Variants in RAB28 observed in about 807,000 individuals in gnomAD.
RAB28 encodes the protein ras-related protein Rab-28.
A neutral mutation model predicts 31.7 loss-of-function variants in RAB28; 24 were observed. The observed-to-expected ratio is 0.76, with a 90% confidence interval of 0.55 to 1.06. The LOEUF is 1.06. Ranked by LOEUF, RAB28 falls within the 50% of genes least tolerant of loss-of-function variation. The pLI is 0.00. For synonymous variants in RAB28, 100 were observed against 90.4 expected (o/e 1.11, Z -0.60); for missense variants, 254 against 258.5 (o/e 0.98, Z 0.12).
chr4:13,439,727 T>C (rs1183092546), intron 4 of RAB28, among the ~76,000 whole-genome samples: 1 of 152,206 alleles, frequency 6.6e-6, no homozygotes, highest in Admixed American at 6.5e-5. Context: ...CCATTTTTTG[T>C]TGTTGTTATC....
At chr4:13,482,577 A>C (rs1716656295) in intron 1 of RAB28, among the ~76,000 whole-genome samples, 1 of 152,220 alleles carries the variant, frequency 6.6e-6, no homozygotes, top group Admixed American at 6.5e-5. Context: ...CAAACTTTTT[A>C]TTGAATAAAG....
chr4:13,431,818 C>T (rs1463442352), intron 4 of RAB28, among the ~76,000 whole-genome samples: 2 of 151,320 alleles, frequency 1.3e-5, no homozygotes, highest in Non-Finnish European at 2.9e-5. Context: ...ACAGCAAATA[C>T]AAAAATAAGA....
intron 1 of RAB28, among the ~76,000 whole-genome samples, chr4:13,483,679 G>C (rs1271483681): frequency 6.6e-6 from 1 of 152,182 alleles, no homozygotes; most frequent in African/African-American, 2.4e-5. Context: ...GCTCCTGGGA[G>C]CTCACGATGC....
chr4:13,395,215 T>C (rs1478667603), intron 4 of RAB28, among the ~76,000 whole-genome samples: 1 of 152,166 alleles, frequency 6.6e-6, no homozygotes, highest in Non-Finnish European at 1.5e-5. Context: ...ATATAGCTGG[T>C]TTTATATTTG....
At chr4:13,419,927 C>A (rs1333912218) in intron 4 of RAB28, among the ~76,000 whole-genome samples, 7 of 150,830 alleles carry the variant, frequency 4.6e-5, no homozygotes, top group African/African-American at 1.7e-4. Flanking sequence ...GAAATAGAGA[C>A]ACAAAAAACC....
intron 4 of RAB28, among the ~76,000 whole-genome samples, chr4:13,459,418 C>T (rs546767821): frequency 1.8e-4 from 27 of 152,274 alleles, no homozygotes; most frequent in African/African-American, 6.0e-4. Flanking sequence ...TACTCTATAA[C>T]GTTCACACAA....
chr4:13,405,839 G>C (rs1712047587), intron 4 of RAB28, among the ~76,000 whole-genome samples: 1 of 151,948 alleles, frequency 6.6e-6, no homozygotes, highest in African/African-American at 2.4e-5. Context: ...GGTTTACTGA[G>C]ATCTATTATT....
chr4:13,391,718 T>C (rs1298084775), intron 4 of RAB28, among the ~76,000 whole-genome samples: 2 of 152,160 alleles, frequency 1.3e-5, no homozygotes, highest in African/African-American at 4.8e-5. Context: ...TGGAACAGTA[T>C]GCAGCCATAA....
chr4:13,371,946 G>C (rs1728729924), intron 6 of RAB28: 2 of 1,350,778 alleles, frequency 1.5e-6, no homozygotes, highest in Non-Finnish European at 2.1e-6. Flanking sequence ...GTGTATACTG[G>C]AAATGGAAGT....
At chr4:13,434,555 T>C (rs955269933) in intron 4 of RAB28, among the ~76,000 whole-genome samples, 8 of 152,138 alleles carry the variant, frequency 5.3e-5, no homozygotes, top group East Asian at 1.9e-4. Flanking sequence ...AATTAGACTC[T>C]TGGCATAGTC....
intron 4 of RAB28, among the ~76,000 whole-genome samples, chr4:13,441,707 T>C (rs989510334): frequency 3.0e-4 from 45 of 152,362 alleles, no homozygotes; most frequent in Non-Finnish European, 6.3e-4. Context: ...AGACATTCAA[T>C]GTAACTGTAA....
At chr4:13,413,954 A>AT (rs1354568630) in intron 4 of RAB28, among the ~76,000 whole-genome samples, 1 of 152,114 alleles carries the variant, frequency 6.6e-6, no homozygotes, top group Non-Finnish European at 1.5e-5. Context: ...TCTAGGAGCT[A>AT]TTTTCTCCTC....
chr4:13,377,674 C>T (rs1031580885), intron 5 of RAB28, among the ~76,000 whole-genome samples: 1 of 152,184 alleles, frequency 6.6e-6, no homozygotes, highest in Non-Finnish European at 1.5e-5. Flanking sequence ...ATTTTAACAG[C>T]ATTAGTCTGG....
rs545233618 is a variant in RAB28 at position 13,379,455 on chromosome 4, G to T, written c.495+2036C>A. ...AAGCGGATCTGACAAAATGAAAGAGGGAAAAGGGAACTGAGAGTATATGCA... is the reference window on the plus strand; with the variant it reads ...AAGCGGATCTGACAAAATGAAAGAGTGAAAAGGGAACTGAGAGTATATGCA... On this transcript the variant is annotated intron_variant, in intron 5 of 6. Coordinates refer to ENST00000330852, the MANE Select transcript of RAB28 (RefSeq NM_001017979.3). Among the ~76,000 whole-genome samples, 5 of 152,116 alleles carry T rather than the reference G, an allele frequency of 3.3e-5. No homozygotes were observed. In the South Asian group the frequency reaches 1.0e-3, roughly 32 times the overall value.
chr4:13,425,776 T>C (rs1290566252), intron 4 of RAB28, among the ~76,000 whole-genome samples: 5 of 152,202 alleles, frequency 3.3e-5, no homozygotes, highest in African/African-American at 1.2e-4. Context: ...GCTTTAGTTG[T>C]ATTGTTTGTT....
chr4:13,412,191 T>C (rs1183640476), intron 4 of RAB28, among the ~76,000 whole-genome samples: 1 of 152,096 alleles, frequency 6.6e-6, no homozygotes, highest in Non-Finnish European at 1.5e-5. Flanking sequence ...GCGTAAAAGC[T>C]AACAGAGGAG....
chr4:13,477,987 G>C (rs1716441775), intron 2 of RAB28, among the ~76,000 whole-genome samples: 1 of 151,438 alleles, frequency 6.6e-6, no homozygotes, highest in Non-Finnish European at 1.5e-5. Context: ...AAAGTAATGA[G>C]ACAAGAAGTT....
At chr4:13,371,171 G>T in intron 6 of RAB28, 1 of 985,318 alleles carries the variant, frequency 1.0e-6, no homozygotes. Context: ...TTAGCCTTGG[G>T]TGGCTTCTGC....
intron 4 of RAB28, among the ~76,000 whole-genome samples, chr4:13,442,215 C>T (rs1454014132): frequency 1.3e-5 from 2 of 152,176 alleles, no homozygotes; most frequent in Non-Finnish European, 2.9e-5. Flanking sequence ...ACTATTCCCT[C>T]AGGTACAATT....
Sources: gnomAD v4.1 joint callset for allele counts (sites outside exome capture counted in the v4.1 genomes callset) on GRCh38, gnomAD v4.1.1 for gene constraint, MANE v1.5 for transcripts, NCBI Gene and HGNC (gene_info 2026-07-23, HGNC 2026-07-21) for gene names.